The following GPATCH8 variants were observed in gnomAD, a reference collection of about 807,000 sequenced individuals.
GPATCH8 encodes the protein G-patch domain containing 8.
GPATCH8 carries 18 observed loss-of-function variants against 118.3 expected under a neutral mutation model. The observed-to-expected ratio is 0.15, with a 90% CI of 0.11 to 0.23. The LOEUF (loss-of-function observed/expected upper bound fraction) is 0.23, where lower values mean the gene tolerates loss of function less well. Ranked by LOEUF, GPATCH8 falls within the 10% of genes least tolerant of loss-of-function variation. The pLI is 1.00. For synonymous variants in GPATCH8, 659 were observed against 684.7 expected (o/e 0.96, Z 0.59); for missense variants, 1,631 against 1,873.8 (o/e 0.87, Z 2.39).
In GPATCH8 at chr17:44,453,500, G is replaced by GGTGTGTGTGTGTGT. The variant is rs56962134; in HGVS notation, c.193+10958_193+10971dup. On this transcript the variant is annotated intron_variant, in intron 3 of 7. Coordinates refer to ENST00000591680, the MANE Select transcript of GPATCH8 (RefSeq NM_001002909.4). Reference sequence around the variant, plus strand: ...AGTTGTAGGTAGGTAGGTAGGTAGGGGTGTGTGTGTGTGTGTGTGTGTGTG... The same window carrying GGTGTGTGTGTGTGT: ...AGTTGTAGGTAGGTAGGTAGGTAGGGGTGTGTGTGTGTGTGTGTGTGTGTGTGTGTGTGTGTGTG... Among the ~76,000 whole-genome samples the GGTGTGTGTGTGTGT allele has an allele frequency of 4.4e-3, 622 of 142,716 alleles. 6 individuals carry two copies. The highest frequency in any genetic ancestry group is 0.016 in the African/African-American group (587 of 36,878). 93.6% of individuals were successfully genotyped at this position (142,716 alleles called of 152,430 possible).
At chr17:44,497,769 G>A (rs377614536) in intron 1 of GPATCH8, among the ~76,000 whole-genome samples, 4 of 151,002 alleles carry the variant, frequency 2.6e-5, no homozygotes, top group Non-Finnish European at 4.4e-5. Flanking sequence ...TTGAAACCCC[G>A]TCTCTAAAAA....
chr17:44,409,596 G>A (rs1336999869), intron 6 of GPATCH8, among the ~76,000 whole-genome samples: 1 of 152,144 alleles, frequency 6.6e-6, no homozygotes, highest in African/African-American at 2.4e-5. Context: ...GGCAGTATGT[G>A]TAAAGCATCG....
At chr17:44,464,639 T>C (rs949478307) in intron 2 of GPATCH8, 95 bp from the exon 3 acceptor site, 8 of 811,706 alleles carry the variant, frequency 9.9e-6, no homozygotes, top group Non-Finnish European at 1.5e-5. Context: ...CAAGAGATAC[T>C]TCTACATATA....
intron 7 of GPATCH8, 138 bp from the exon 8 acceptor site, chr17:44,401,591 C>T (rs1598406858): frequency 1.4e-6 from 1 of 693,892 alleles, no homozygotes; most frequent in Non-Finnish European, 2.6e-6. Flanking sequence ...TGGTCATATT[C>T]CCTAGCCCTA....
rs776009036 is a variant in GPATCH8, at chr17:44,399,434, G to A, written c.2643C>T (p.Ser881=). 3 of 1,614,138 alleles carry A rather than the reference G, an allele frequency of 1.9e-6. No individual in the cohort carries two copies. The highest frequency in any genetic ancestry group is 2.2e-5 in the South Asian group (2 of 91,082). ...AGTAACTGCGCTGTCTACTATAGCAGCTCTGGTCTGAAGAGGCATCTGAGC... is the reference window on the plus strand; with the variant it reads ...AGTAACTGCGCTGTCTACTATAGCAACTCTGGTCTGAAGAGGCATCTGAGC... ...SSSSDASSDQ[S]CYSRQRSYSD... The change falls in exon 8 of 8, where the codon AGC becomes AGT. Residue 881 remains serine (S), a synonymous_variant. Coordinates refer to ENST00000591680, the MANE Select transcript of GPATCH8 (RefSeq NM_001002909.4).
intron 6 of GPATCH8, 73 bp from the exon 7 acceptor site, chr17:44,406,124 T>C (rs2049211686): frequency 1.9e-6 from 2 of 1,079,442 alleles, no homozygotes; most frequent in East Asian, 2.4e-5. Flanking sequence ...GCAAAGCCTT[T>C]AGGACATGAC....
chr17:44,481,737 TA>T (rs1386734034), intron 1 of GPATCH8, among the ~76,000 whole-genome samples: 2 of 152,230 alleles, frequency 1.3e-5, no homozygotes, highest in Non-Finnish European at 2.9e-5. Flanking sequence ...ATTTCACCTC[TA>T]AAAAATGTAT....
chr17:44,431,899 A>G (rs2050328566), intron 5 of GPATCH8, among the ~76,000 whole-genome samples: 1 of 152,092 alleles, frequency 6.6e-6, no homozygotes, highest in Non-Finnish European at 1.5e-5. Context: ...GAACTCCAGC[A>G]TGGACGACAG....
intron 1 of GPATCH8, among the ~76,000 whole-genome samples, chr17:44,500,820 G>A (rs1325206629): frequency 6.6e-6 from 1 of 152,132 alleles, no homozygotes; most frequent in African/African-American, 2.4e-5. Context: ...ACCTTAAAAG[G>A]AGGCCACGTT....
At chr17:44,426,835 AAC>A (rs71361570) in intron 5 of GPATCH8, among the ~76,000 whole-genome samples, 2,967 of 148,698 alleles carry the variant, frequency 0.02, 96 homozygotes, top group African/African-American at 0.064. Flanking sequence ...TCTCTTCAAC[AAC>A]ACACACACAC....
intron 6 of GPATCH8, among the ~76,000 whole-genome samples, chr17:44,413,916 G>A (rs1035662180): frequency 2.0e-5 from 3 of 151,948 alleles, no homozygotes; most frequent in East Asian, 1.9e-4. Flanking sequence ...CACTGTGCCC[G>A]GCCAGGCCGA....
chr17:44,405,913 A>AC lies in GPATCH8; in HGVS notation c.623+7_623+8insG. The AC allele has an allele frequency of 6.3e-7, 1 of 1,597,920 alleles. No individual in the cohort carries two copies. The highest frequency in any genetic ancestry group is 8.6e-7 in the Non-Finnish European group (1 of 1,165,268). On this transcript the variant is annotated splice_region_variant and intron_variant, in intron 7 of 7. Transcript: ENST00000591680. ...TCTGTACAACCCTCTGATAAAAAAT[A>AC]TCCTCACCATTCAGCTTGTTTTCTT...
chr17:44,402,043 C>T (rs1051718681), intron 7 of GPATCH8, among the ~76,000 whole-genome samples: 9 of 147,708 alleles, frequency 6.1e-5, no homozygotes, highest in South Asian at 2.2e-4. Flanking sequence ...AAGTACAGGC[C>T]GGGCGCAGTG....
At chr17:44,401,633 T>G (rs1463880739) in intron 7 of GPATCH8, among the ~76,000 whole-genome samples, 180 bp from the exon 8 acceptor site, 1 of 152,200 alleles carries the variant, frequency 6.6e-6, no homozygotes, top group East Asian at 1.9e-4. Context: ...AAGAGGAGGT[T>G]AGGCAAAGAC....
chr17:44,488,266 G>C (rs1415880045), intron 1 of GPATCH8, among the ~76,000 whole-genome samples: 2 of 118,128 alleles, frequency 1.7e-5, no homozygotes, highest in African/African-American at 6.6e-5. Flanking sequence ...TCACTCTGTC[G>C]CCCAGGCTGG....
intron 6 of GPATCH8, among the ~76,000 whole-genome samples, chr17:44,422,041 AT>A (rs1012243699): frequency 6.0e-4 from 92 of 152,222 alleles, no homozygotes; most frequent in African/African-American, 2.2e-3. Context: ...TTCTAATGCC[AT>A]TTTTCCACCT....
At chr17:44,428,080 G>C (rs750254426) in intron 5 of GPATCH8, among the ~76,000 whole-genome samples, 1 of 152,016 alleles carries the variant, frequency 6.6e-6, no homozygotes, top group Non-Finnish European at 1.5e-5. Context: ...TCAAGAGTTT[G>C]AAACCAGCCT....
chr17:44,424,955 T>C lies in GPATCH8; in HGVS notation c.349-463A>G, dbSNP rs911767671. ...CTTGGAAAGCCAACCCACAGATATG[T>C]GTTATCTGCTGGTCTCAGCGAGATT... On this transcript the variant is annotated intron_variant, in intron 5 of 7. Transcript: ENST00000591680. Among the ~76,000 whole-genome samples the C allele has an allele frequency of 2.6e-5, 4 of 152,316 alleles. No homozygotes were observed. The East Asian group carries it at 7.7e-4, about 29-fold the overall frequency.
chr17:44,496,526 C>T (rs759747995), intron 1 of GPATCH8, among the ~76,000 whole-genome samples: 7 of 152,132 alleles, frequency 4.6e-5, no homozygotes, highest in South Asian at 2.1e-4. Context: ...AGACCAAATG[C>T]GTATTACAAA....
Sources: allele counts gnomAD v4.1 joint callset (sites outside exome capture counted in the v4.1 genomes callset), GRCh38; gene constraint gnomAD v4.1.1; transcripts MANE v1.5; gene names NCBI Gene and HGNC (gene_info 2026-07-23, HGNC 2026-07-21).